CTNNA3: variants seen among roughly 807,000 people sequenced by gnomAD.
CTNNA3 encodes the protein catenin alpha-3.
Under a neutral mutation model 95.7 loss-of-function variants are expected in CTNNA3, and 76 were observed. The observed-to-expected ratio is 0.79, with a 90% CI of 0.66 to 0.96. The LOEUF (loss-of-function observed/expected upper bound fraction) is 0.96. CTNNA3 is among the 40% of genes least tolerant of loss of function. CTNNA3 has a pLI of 0.00. For synonymous variants in CTNNA3, 431 were observed against 374.4 expected (o/e 1.15, Z -1.74); for missense variants, 1,191 against 1,089.8 (o/e 1.09, Z -1.31).
chr10:66,746,231 A>G (rs1285729212), intron 9 of CTNNA3, among the ~76,000 whole-genome samples: 4 of 152,142 alleles, frequency 2.6e-5, no homozygotes, highest in Non-Finnish European at 5.9e-5. Context: ...AGGAAAACAA[A>G]TTTCAAGGTA....
intron 5 of CTNNA3, among the ~76,000 whole-genome samples, chr10:67,358,831 C>A (rs1842905693): frequency 6.6e-6 from 1 of 152,046 alleles, no homozygotes; most frequent in South Asian, 2.1e-4. Flanking sequence ...GAAATGCAGG[C>A]ACTGCAACAG....
At chr10:66,436,540 T>A (rs1363854797) in intron 11 of CTNNA3, among the ~76,000 whole-genome samples, 2 of 139,762 alleles carry the variant, frequency 1.4e-5, no homozygotes, top group African/African-American at 5.5e-5. Flanking sequence ...TTCTATTTGC[T>A]TGGTAAATCT....
intron 15 of CTNNA3, among the ~76,000 whole-genome samples, chr10:66,046,728 C>A (rs2133518526): frequency 6.6e-6 from 1 of 151,616 alleles, no homozygotes; most frequent in African/African-American, 2.4e-5. Flanking sequence ...TATACCTAGA[C>A]AAATAAGGAA....
At chr10:66,753,238 T>G (rs1306919194) in intron 9 of CTNNA3, among the ~76,000 whole-genome samples, 1 of 152,186 alleles carries the variant, frequency 6.6e-6, no homozygotes, top group African/African-American at 2.4e-5. Flanking sequence ...TTTGTCTGCC[T>G]CACTCTTTGC....
chr10:67,717,370 T>A (rs1841150206), intron 1 of CTNNA3, among the ~76,000 whole-genome samples: 1 of 152,180 alleles, frequency 6.6e-6, no homozygotes, highest in Non-Finnish European at 1.5e-5. Flanking sequence ...GCTTTTGGAG[T>A]TTTAGTCACG....
At chr10:65,961,808 A>G (rs1296231686) in intron 17 of CTNNA3, among the ~76,000 whole-genome samples, 1 of 152,072 alleles carries the variant, frequency 6.6e-6, no homozygotes, top group Non-Finnish European at 1.5e-5. Flanking sequence ...GGTCCCTTTC[A>G]AAGTGTAAGG....
intron 12 of CTNNA3, among the ~76,000 whole-genome samples, chr10:66,370,682 C>G (rs774659270): frequency 2.6e-5 from 4 of 152,040 alleles, no homozygotes; most frequent in Admixed American, 6.6e-5. Context: ...CACTTCTTTT[C>G]TCCCAGTGGC....
At chr10:65,987,443 T>C (rs1035352454) in intron 16 of CTNNA3, among the ~76,000 whole-genome samples, 4 of 152,034 alleles carry the variant, frequency 2.6e-5, no homozygotes, top group Non-Finnish European at 5.9e-5. Flanking sequence ...ACATCATTAA[T>C]TGACAGGAAA....
At chr10:67,704,515 A>G (rs1038725315) in intron 1 of CTNNA3, among the ~76,000 whole-genome samples, 37 of 152,340 alleles carry the variant, frequency 2.4e-4, no homozygotes, top group Middle Eastern at 3.4e-3. Flanking sequence ...TGAGAAAAAC[A>G]AGCAATGGGG....
intron 5 of CTNNA3, among the ~76,000 whole-genome samples, chr10:67,241,258 T>TA (rs1348621809): frequency 2.9e-4 from 44 of 151,830 alleles, no homozygotes; most frequent in African/African-American, 9.9e-4. Context: ...CCATCTCTAC[T>TA]AAAAAAATAC....
chr10:67,177,576 G>A (rs1454092618), intron 7 of CTNNA3, among the ~76,000 whole-genome samples: 1 of 152,176 alleles, frequency 6.6e-6, no homozygotes, highest in African/African-American at 2.4e-5. Context: ...AGGAGACACA[G>A]TATTCCTTAA....
At chr10:67,687,123 T>A (rs1324322365) in intron 1 of CTNNA3, among the ~76,000 whole-genome samples, 1 of 152,184 alleles carries the variant, frequency 6.6e-6, no homozygotes, top group Non-Finnish European at 1.5e-5. Flanking sequence ...TGAGGACAGC[T>A]GTCCAGGACA....
At chr10:67,492,542 G>A (rs1438601782) in intron 5 of CTNNA3, among the ~76,000 whole-genome samples, 1 of 152,218 alleles carries the variant, frequency 6.6e-6, no homozygotes, top group African/African-American at 2.4e-5. Flanking sequence ...ATGTCCCAAT[G>A]GAGAAGCCAG....
At chr10:66,378,449 C>T (rs190559037) in intron 12 of CTNNA3, among the ~76,000 whole-genome samples, 1 of 152,260 alleles carries the variant, frequency 6.6e-6, no homozygotes. Context: ...AGGAGTTCTG[C>T]TATCATGACT....
intron 7 of CTNNA3, among the ~76,000 whole-genome samples, chr10:67,120,011 A>G (rs1859380521): frequency 6.6e-6 from 1 of 151,932 alleles, no homozygotes; most frequent in African/African-American, 2.4e-5. Flanking sequence ...CTCTAGATAA[A>G]GAGATTTGTC....
At chr10:66,905,233 T>C (rs1311539508) in intron 7 of CTNNA3, among the ~76,000 whole-genome samples, 3 of 152,098 alleles carry the variant, frequency 2.0e-5, no homozygotes, top group Admixed American at 2.0e-4. Context: ...ACATCGATGA[T>C]GCTGGAAACC....
intron 7 of CTNNA3, among the ~76,000 whole-genome samples, chr10:67,093,528 G>T (rs1857787334): frequency 6.6e-6 from 1 of 151,868 alleles, no homozygotes; most frequent in African/African-American, 2.4e-5. Context: ...GGAATTTATT[G>T]TGAGTTGGTG....
At chr10:67,652,733 C>CTTTAT (rs1379543941) in intron 1 of CTNNA3, among the ~76,000 whole-genome samples, 13 of 105,488 alleles carry the variant, frequency 1.2e-4, no homozygotes, top group African/African-American at 9.5e-4. Flanking sequence ...AATTCAATTC[C>CTTTAT]CTTAATCTTT....
At chr10:66,470,714 TATC>T (rs1240638106) in intron 11 of CTNNA3, among the ~76,000 whole-genome samples, 5 of 151,816 alleles carry the variant, frequency 3.3e-5, no homozygotes, top group Admixed American at 6.6e-5. Context: ...GAGAGCCTAT[TATC>T]ATGCAGAATG....
Sources: gnomAD v4.1 joint callset for allele counts (sites outside exome capture counted in the v4.1 genomes callset) on GRCh38, gnomAD v4.1.1 for gene constraint, MANE v1.5 for transcripts, NCBI Gene and HGNC (gene_info 2026-07-23, HGNC 2026-07-21) for gene names.